Variants in LRRC7 observed in about 807,000 individuals in gnomAD.
The protein encoded by LRRC7 is leucine-rich repeat-containing protein 7.
LRRC7 carries 23 observed loss-of-function variants against 175.7 expected under a neutral mutation model. That is an observed-to-expected ratio of 0.13 (90% CI 0.09 to 0.19). The LOEUF (loss-of-function observed/expected upper bound fraction) is 0.19, where lower values mean the gene tolerates loss of function less well. LRRC7 is among the 10% of genes least tolerant of loss of function. The probability of loss-of-function intolerance (pLI) is 1.00; values close to 1 mark genes in which losing one functional copy is unlikely to be tolerated. For synonymous variants in LRRC7, 685 were observed against 680.9 expected, an observed-to-expected ratio of 1.01 and a Z score of -0.09; for missense variants, 1,354 against 1,904.7, an observed-to-expected ratio of 0.71 and a Z score of 5.38.
intron 23 of LRRC7, among the ~76,000 whole-genome samples, chr1:70,071,848 A>T (rs1662413452): frequency 6.6e-6 from 1 of 151,942 alleles, no homozygotes; most frequent in African/African-American, 2.4e-5. Context: ...TTAGTCTAAC[A>T]CTCTTTTTTA....
At chr1:69,717,716 A>G (rs1419313901) in intron 2 of LRRC7, among the ~76,000 whole-genome samples, 1 of 149,302 alleles carries the variant, frequency 6.7e-6, no homozygotes, top group African/African-American at 2.5e-5. Context: ...TTTAGCTGAG[A>G]AGGAACTCTA....
intron 7 of LRRC7, among the ~76,000 whole-genome samples, chr1:69,848,380 A>G (rs1682604030): frequency 6.6e-6 from 1 of 152,100 alleles, no homozygotes; most frequent in Non-Finnish European, 1.5e-5. Flanking sequence ...CATAACAGGT[A>G]TTGAGGGACT....
intron 1 of LRRC7, among the ~76,000 whole-genome samples, chr1:69,608,796 A>G (rs1004444022): frequency 7.0e-6 from 1 of 141,866 alleles, no homozygotes; most frequent in African/African-American, 2.6e-5. Flanking sequence ...GGCATCTCCT[A>G]TAAGTTGCTC....
intron 2 of LRRC7, among the ~76,000 whole-genome samples, chr1:69,753,372 A>G (rs559871761): frequency 6.6e-6 from 1 of 151,036 alleles, no homozygotes; most frequent in Non-Finnish European, 1.5e-5. Flanking sequence ...TTATATGCTG[A>G]TCTATAAATA....
chr1:69,870,091 C>T (rs144037612), intron 7 of LRRC7, among the ~76,000 whole-genome samples: 1 of 152,210 alleles, frequency 6.6e-6, no homozygotes, highest in African/African-American at 2.4e-5. Flanking sequence ...AGTGGATGGG[C>T]TCTAAATTCA....
At chr1:70,046,171 A>G (rs975862892) in intron 22 of LRRC7, among the ~76,000 whole-genome samples, 1 of 152,128 alleles carries the variant, frequency 6.6e-6, no homozygotes, top group Non-Finnish European at 1.5e-5. Flanking sequence ...CTGTATGACA[A>G]TATAGATATA....
chr1:69,840,163 C>A (rs967637936), intron 7 of LRRC7, among the ~76,000 whole-genome samples: 2 of 151,736 alleles, frequency 1.3e-5, no homozygotes, highest in Admixed American at 1.3e-4. Flanking sequence ...ACTCACAGGC[C>A]AAAATCTAAA....
At chr1:69,901,161 G>A (rs968909875) in intron 7 of LRRC7, among the ~76,000 whole-genome samples, 1 of 152,166 alleles carries the variant, frequency 6.6e-6, no homozygotes, top group African/African-American at 2.4e-5. Flanking sequence ...GAGGCAGGCA[G>A]ACTAGTGAAG....
At chr1:69,653,356 A>C (rs1451269401) in intron 1 of LRRC7, among the ~76,000 whole-genome samples, 1 of 151,978 alleles carries the variant, frequency 6.6e-6, no homozygotes, top group East Asian at 1.9e-4. Context: ...AAAAAGAAAA[A>C]CAGATCTGTG....
intron 4 of LRRC7, among the ~76,000 whole-genome samples, chr1:69,824,766 T>C (rs1188435985): frequency 1.3e-5 from 2 of 152,152 alleles, no homozygotes; most frequent in Non-Finnish European, 2.9e-5. Context: ...AAAGTGTTCC[T>C]TATCCTTCTG....
intron 23 of LRRC7, among the ~76,000 whole-genome samples, chr1:70,056,770 G>GCGT (rs1661184508): frequency 6.6e-6 from 1 of 152,276 alleles, no homozygotes; most frequent in Middle Eastern, 3.4e-3. Flanking sequence ...TGATCAGTTG[G>GCGT]CGTAGAGTAG....
chr1:69,764,669 A>T (rs892589696), intron 3 of LRRC7, among the ~76,000 whole-genome samples: 1 of 151,808 alleles, frequency 6.6e-6, no homozygotes, highest in Non-Finnish European at 1.5e-5. Context: ...AAAACTCGGG[A>T]AGTAACAACA....
chr1:70,091,940 G>T (rs1233492020), intron 25 of LRRC7, among the ~76,000 whole-genome samples: 2 of 152,104 alleles, frequency 1.3e-5, no homozygotes, highest in Non-Finnish European at 2.9e-5. Context: ...ATCTACAGAA[G>T]AATCTCAATA....
rs12028451 is a variant in LRRC7, at chr1:69,889,225, G to A, written c.648-42282G>A. ...GGTTGATTAAGGTTATGGTGGCTCC[G>A]GCAATTTCTTAAAATAAGACAACAA... On this transcript the variant is annotated intron_variant, in intron 7 of 26. Transcript: ENST00000651989. 1.8e-3 allele frequency among the ~76,000 whole-genome samples: 280 copies of A among 152,194 alleles called. 3 individuals are homozygous for A. The East Asian group carries it at 0.034, about 19-fold the overall frequency.
At chr1:69,764,786 C>T (rs1009671134) in intron 3 of LRRC7, among the ~76,000 whole-genome samples, 21 of 128,646 alleles carry the variant, frequency 1.6e-4, no homozygotes, top group East Asian at 1.0e-3. Flanking sequence ...GATAGACAGA[C>T]AGACAGATAG....
chr1:69,796,282 T>C (rs1183235480), intron 4 of LRRC7, among the ~76,000 whole-genome samples: 1 of 151,804 alleles, frequency 6.6e-6, no homozygotes, highest in Admixed American at 6.6e-5. Flanking sequence ...TCCATGTCCC[T>C]ACAAAGGACA....
chr1:70,134,434 C>T lies in LRRC7; in HGVS notation c.*12547C>T, dbSNP rs771724858. ...GCTAATTATATCCTCACCCTCACAG[C>T]TTAGCCAGCCTCCTGGTCTGAGCTT... On this transcript the variant is annotated 3_prime_UTR_variant, in exon 27 of 27. Coordinates refer to ENST00000651989, the MANE Select transcript of LRRC7 (RefSeq NM_001370785.2). 1.3e-5 allele frequency among the ~76,000 whole-genome samples: 2 copies of T among 152,242 alleles called. No homozygotes were observed. Among genetic ancestry groups the T allele is most frequent in the Non-Finnish European group, 2.9e-5 (2 of 68,046 alleles).
chr1:69,917,193 G>A (rs1167708059), intron 7 of LRRC7, among the ~76,000 whole-genome samples: 1 of 152,158 alleles, frequency 6.6e-6, no homozygotes, highest in Non-Finnish European at 1.5e-5. Flanking sequence ...TTGGTTCAGA[G>A]GGATGAAGTT....
chr1:69,708,744 G>A (rs947010455), intron 2 of LRRC7, among the ~76,000 whole-genome samples: 5 of 152,130 alleles, frequency 3.3e-5, no homozygotes, highest in African/African-American at 1.2e-4. Context: ...GTACAACTCT[G>A]CTCCATATGT....
Sources: allele counts gnomAD v4.1 joint callset (sites outside exome capture counted in the v4.1 genomes callset), GRCh38; gene constraint gnomAD v4.1.1; transcripts MANE v1.5; gene names NCBI Gene and HGNC (gene_info 2026-07-23, HGNC 2026-07-21).